Variants in VPS4A observed in about 807,000 individuals in gnomAD.
The protein encoded by VPS4A is vacuolar protein sorting 4 homolog A.
A neutral mutation model predicts 52.3 loss-of-function variants in VPS4A; 20 were observed. The ratio of observed to expected loss-of-function variants is 0.38; its 90% CI spans 0.27 to 0.56. VPS4A has a LOEUF of 0.56. VPS4A is among the 20% of genes least tolerant of loss of function. The probability of loss-of-function intolerance (pLI) is 0.72; values close to 1 mark genes in which losing one functional copy is unlikely to be tolerated. For synonymous variants in VPS4A, 293 were observed against 227.7 expected (o/e 1.29, Z -2.58); for missense variants, 419 against 575.9 (o/e 0.73, Z 2.79).
At position 69,320,449 on chromosome 16, in the gene VPS4A, T is replaced by C; in HGVS notation, c.769+160T>C. The C allele has an allele frequency of 9.2e-7, 1 of 1,090,848 alleles. No homozygotes were observed. 67.6% of individuals were successfully genotyped at this position (1,090,848 alleles called of 1,614,324 possible). A position where few individuals can be genotyped will look rare whatever the true frequency, so the allele number is the denominator to read the frequency against. On this transcript the variant is annotated intron_variant, in intron 7 of 10. Transcript: ENST00000254950. The surrounding 1 kb of genome is among the most constrained non-coding windows in gnomAD (Gnocchi z 4.2). Reference sequence around the variant, plus strand: ...CGGGTGGACTTCAATTCCCAAGAGGTGCCTGAGGCCTCTGCCTCACGGGCC... The same window carrying C: ...CGGGTGGACTTCAATTCCCAAGAGGCGCCTGAGGCCTCTGCCTCACGGGCC...
At position 69,322,758 on chromosome 16, in the gene VPS4A, T is replaced by C. The variant is rs1965529736; in HGVS notation, c.1212+58T>C. On this transcript the variant is annotated intron_variant, in intron 10 of 10. Coordinates refer to ENST00000254950, the MANE Select transcript of VPS4A (RefSeq NM_013245.3). ...GCACAGAGCCCAGAAAATTGAGGGT[T>C]TGGGTCCAGAATAAAAACGGTCTTC... 2.6e-6 allele frequency: 4 copies of C among 1,554,118 alleles called. No individual in the cohort carries two copies. In the Admixed American group the frequency reaches 7.6e-5, roughly 30 times the overall value.
Position 69,320,004 on chromosome 16 carries a change from C to A in VPS4A, c.621-137C>A. ...TGCAGTGTGGCCCGAGGGCTCCTCA[C>A]CACCACGTTTTCCGCAATTCCGGCA... On this transcript the variant is annotated intron_variant, in intron 6 of 10. Transcript: ENST00000254950. The surrounding 1 kb of genome is among the most constrained non-coding windows in gnomAD (Gnocchi z 4.2). The A allele has an allele frequency of 1.6e-6, 2 of 1,233,596 alleles. No homozygotes were observed. The highest frequency in any genetic ancestry group is 1.1e-6 in the Non-Finnish European group (1 of 900,162). The allele number at this position is 1,233,596 out of a possible 1,614,324, so 76.4% of individuals were successfully genotyped here.
rs1235540507 is a variant in VPS4A, at chr16:69,325,134, C to T, written c.*825C>T. The T allele has an allele frequency of 2.0e-5, 3 of 152,290 alleles. No homozygotes were observed. Among genetic ancestry groups the T allele is most frequent in the Non-Finnish European group, 4.4e-5 (3 of 68,078 alleles). The allele number at this position is 152,290 out of a possible 1,614,324, so 9.4% of individuals were successfully genotyped here. On this transcript the variant is annotated 3_prime_UTR_variant, in exon 11 of 11. Transcript: ENST00000254950. ...TAAAAGACCCTCTGGTTTTCTGTCT[C>T]CTCTCTTTTCTAAAGCAGAGCAGGA...
At chr16:69,315,607 C>T (rs1190863719) in intron 1 of VPS4A, among the ~76,000 whole-genome samples, 1 of 152,188 alleles carries the variant, frequency 6.6e-6, no homozygotes, top group Non-Finnish European at 1.5e-5. Context: ...TTCTGGTCTC[C>T]TTGCTAAACA....
At chr16:69,323,829 A>G (rs1567425524) in intron 10 of VPS4A, 4 of 365,974 alleles carry the variant, frequency 1.1e-5, no homozygotes, top group East Asian at 1.5e-4. Flanking sequence ...ACGTGCCTGT[A>G]GTCCCAGCTA....
chr16:69,313,532 TTTCA>T (rs1416236782), intron 1 of VPS4A, among the ~76,000 whole-genome samples: 1 of 152,224 alleles, frequency 6.6e-6, no homozygotes, highest in African/African-American at 2.4e-5. Context: ...GGCTAGCTTC[TTTCA>T]TTATGACTTA....
At chr16:69,314,214 G>A (rs1965409913) in intron 1 of VPS4A, among the ~76,000 whole-genome samples, 1 of 151,870 alleles carries the variant, frequency 6.6e-6, no homozygotes, top group Admixed American at 6.6e-5. Context: ...TGATCCGCCC[G>A]CCTCCGCGTC....
intron 5 of VPS4A, 107 bp downstream of exon 5, chr16:69,319,049 C>G (rs1321165747): frequency 6.7e-7 from 1 of 1,491,748 alleles, no homozygotes; most frequent in Non-Finnish European, 9.0e-7. Flanking sequence ...CCGGGGCCTG[C>G]AGAGGGCCAG....
intron 9 of VPS4A, 99 bp from the exon 10 acceptor site, chr16:69,322,461 C>T: frequency 2.2e-6 from 3 of 1,340,470 alleles, no homozygotes; most frequent in Non-Finnish European, 3.0e-6. Flanking sequence ...TGCTAGGGAC[C>T]CACAGAGCAT....
chr16:69,319,455 A>G lies in VPS4A; in HGVS notation c.532A>G (p.Lys178Glu). The part of the protein sequence containing the change: ...PPGTGKSYLA[K>E]AVATEANNST... ...TGGCACAGGGAAATCCTACCTGGCC[A>G]AAGCCGTGGCAACAGAGGCCAACAA... Residue 178 changes from lysine to glutamate, a missense_variant, in exon 6 of 11, where the codon AAA becomes GAA. Physicochemically the swap from Lys to Glu is moderately conservative, Grantham distance 56 (BLOSUM62 1). This residue lies in a region of VPS4A where 103 missense variants were observed against 210.3 expected (regional missense o/e 0.49). Coordinates refer to ENST00000254950, the MANE Select transcript of VPS4A (RefSeq NM_013245.3). 6.2e-7 allele frequency: 1 copy of G among 1,614,024 alleles called. No individual in the cohort carries two copies. Among genetic ancestry groups the G allele is most frequent in the Non-Finnish European group, 8.5e-7 (1 of 1,179,894 alleles).
intron 3 of VPS4A, among the ~76,000 whole-genome samples, chr16:69,317,747 C>T (rs1007912697): frequency 2.0e-5 from 3 of 150,576 alleles, no homozygotes; most frequent in Non-Finnish European, 4.4e-5. Context: ...GAGCCGAGAT[C>T]GAGCCACTAC....
At chr16:69,324,068 A>C (rs1044439095) in intron 10 of VPS4A, 140 bp from the exon 11 acceptor site, 1 of 732,616 alleles carries the variant, frequency 1.4e-6, no homozygotes. Flanking sequence ...GGTCCCTGCC[A>C]TAGGCAGATT....
chr16:69,323,939 G>A (rs1416277448), intron 10 of VPS4A, among the ~76,000 whole-genome samples: 3 of 91,578 alleles, frequency 3.3e-5, no homozygotes, highest in South Asian at 3.8e-4. Flanking sequence ...GACAGACTCC[G>A]TCTCCAAAAA....
Position 69,316,332 on chromosome 16 carries a change from G to A in VPS4A, c.241G>A (p.Gly81Ser), listed in dbSNP as rs570971398. ...KDYLRSKEKHGKKPVKENQSE... is the reference protein window; with the variant it reads ...KDYLRSKEKHSKKPVKENQSE... ...TTATTTACGAAGCAAAGAGAAACACGGCAAGAAGCCAGTCAAAGAGAACCA... is the reference window on the plus strand; with the variant it reads ...TTATTTACGAAGCAAAGAGAAACACAGCAAGAAGCCAGTCAAAGAGAACCA... The change falls in exon 3 of 11, where the codon GGC becomes AGC. Residue 81 changes from glycine to serine, a missense_variant. Around this residue, in one of 3 missense-constraint regions of VPS4A, gnomAD observed 131 missense variants for 165.4 expected, o/e 0.79. Coordinates refer to ENST00000254950, the MANE Select transcript of VPS4A (RefSeq NM_013245.3). 51 of 1,613,778 alleles carry A rather than the reference G, an allele frequency of 3.2e-5. No homozygotes were observed. Among genetic ancestry groups the A allele is most frequent in the South Asian group, 6.6e-5 (6 of 91,078 alleles).
rs937653802 is a variant in VPS4A, at chr16:69,325,296, G to C, written c.*987G>C. The stretch of plus-strand genomic sequence containing the variant: ...GCCGTTGTTCGGCCTACAGATCAGA[G>C]ACTGCAAAGTGGGAGCCCTGCGTAC... On this transcript the variant is annotated 3_prime_UTR_variant, in exon 11 of 11. Coordinates refer to ENST00000254950, the MANE Select transcript of VPS4A (RefSeq NM_013245.3). The C allele has an allele frequency of 1.3e-5, 2 of 152,234 alleles. No homozygotes were observed. The highest frequency in any genetic ancestry group is 2.9e-5 in the Non-Finnish European group (2 of 68,088). 9.4% of individuals were successfully genotyped at this position (152,234 alleles called of 1,614,324 possible).
In VPS4A at chr16:69,322,855, G is replaced by C. The variant is rs1597215044; in HGVS notation, c.1212+155G>C. ...GAGGCCAGGGTGGGCAGATCACAAG[G>C]TTAGGAGTTCGAGACCAGCCTAGCC... On this transcript the variant is annotated intron_variant, in intron 10 of 10. Coordinates refer to ENST00000254950, the MANE Select transcript of VPS4A (RefSeq NM_013245.3). 4 of 911,914 alleles carry C rather than the reference G, an allele frequency of 4.4e-6. No homozygotes were observed. In the East Asian group the frequency reaches 8.6e-5, roughly 20 times the overall value. 56.5% of individuals were successfully genotyped at this position (911,914 alleles called of 1,614,324 possible). A position where few individuals can be genotyped will look rare whatever the true frequency, so the allele number is the denominator to read the frequency against.
chr16:69,321,016 C>CGCT lies in VPS4A; in HGVS notation c.852-33_852-31dup, dbSNP rs766313350. 1.0e-5 allele frequency: 16 copies of CGCT among 1,541,284 alleles called. No homozygotes were observed. The African/African-American group carries it at 1.6e-4, about 16-fold the overall frequency. ...CTTCCGTGAATACCATTCCATCATC[C>CGCT]GCTGTCAACTCCTGCCGTGTGCTGG... On this transcript the variant is annotated intron_variant, in intron 8 of 10. Coordinates refer to ENST00000254950, the MANE Select transcript of VPS4A (RefSeq NM_013245.3). The surrounding 1 kb of genome is among the most constrained non-coding windows in gnomAD (Gnocchi z 4.5).
intron 1 of VPS4A, among the ~76,000 whole-genome samples, chr16:69,312,846 C>T (rs990032087): frequency 2.6e-5 from 4 of 152,112 alleles, no homozygotes. Context: ...CTCCCGACCT[C>T]AGATGATCTG....
Position 69,316,301 on chromosome 16 carries a change from G to A in VPS4A, c.210G>A (p.Leu70=), listed in dbSNP as rs770930761. The A allele has an allele frequency of 5.6e-6, 9 of 1,613,894 alleles. No homozygotes were observed. The Admixed American group carries it at 1.2e-4, about 21-fold the overall frequency. Residue 70 remains leucine (L), a synonymous_variant, in exon 3 of 11, where the codon CTG becomes CTA. Transcript: ENST00000254950. The part of the protein sequence containing the change: ...CVQYLDRAEK[L]KDYLRSKEKH... ...AGTACCTAGACCGGGCCGAGAAGCT[G>A]AAGGATTATTTACGAAGCAAAGAGA...
Sources: allele counts gnomAD v4.1 joint callset (sites outside exome capture counted in the v4.1 genomes callset), GRCh38; gene constraint gnomAD v4.1.1; regional missense constraint gnomAD v4.1.1; non-coding constraint Gnocchi (gnomAD v3.1); transcripts MANE v1.5; gene names NCBI Gene and HGNC (gene_info 2026-07-23, HGNC 2026-07-21).